MAOA: variants seen among roughly 807,000 people sequenced by gnomAD.
MAOA encodes amine oxidase [flavin-containing] A.
A neutral mutation model predicts 42.0 loss-of-function variants in MAOA; 6 were observed. The ratio of observed to expected loss-of-function variants is 0.14; its 90% CI spans 0.08 to 0.28. The LOEUF is 0.28. MAOA is among the 10% of genes least tolerant of loss of function. The probability of loss-of-function intolerance (pLI) is 1.00; values close to 1 mark genes in which losing one functional copy is unlikely to be tolerated. For missense variants in MAOA, 262 were observed against 422.3 expected, an observed-to-expected ratio of 0.62 and a Z score of 3.33; for synonymous variants, 140 against 154.0, an observed-to-expected ratio of 0.91 and a Z score of 0.67.
At chrX:43,736,123 A>C (rs749394543) in intron 9 of MAOA, 104 bp from the exon 10 acceptor site, 1 of 573,131 alleles carries the variant, frequency 1.7e-6, no homozygotes, top group African/African-American at 2.3e-5. Context: ...GAGAGAGTTC[A>C]TTTCATGCTG....
At chrX:43,711,129 C>T (rs1285354477) in intron 3 of MAOA, among the ~76,000 whole-genome samples, 3 of 111,016 alleles carry the variant, frequency 2.7e-5, no homozygotes, top group African/African-American at 9.8e-5. Flanking sequence ...CCAGGCTATA[C>T]CAGGAGCTGG....
chrX:43,657,803 C>A, intron 1 of MAOA: 1 of 465,193 alleles, frequency 2.1e-6, no homozygotes, highest in Non-Finnish European at 2.7e-6. Context: ...GAACATGCTA[C>A]AAATTAATGT....
At chrX:43,703,803 G>T (rs375327313) in intron 3 of MAOA, among the ~76,000 whole-genome samples, 1 of 111,505 alleles carries the variant, frequency 9.0e-6, no homozygotes, top group African/African-American at 3.3e-5. Flanking sequence ...AATAAAAAAA[G>T]ACTATTGAAC....
At chrX:43,713,933 G>C (rs1303218340) in intron 5 of MAOA, among the ~76,000 whole-genome samples, 1 of 111,565 alleles carries the variant, frequency 9.0e-6, no homozygotes, top group Non-Finnish European at 1.9e-5. Flanking sequence ...AGGAAGAATG[G>C]ATGAAGTTGG....
At chrX:43,708,662 GT>G (rs758339663) in intron 3 of MAOA, among the ~76,000 whole-genome samples, 9,801 of 95,805 alleles carry the variant, frequency 0.1, 1,149 homozygotes, top group African/African-American at 0.35. Flanking sequence ...TCTTCTTGTT[GT>G]TTTTTTTTTT....
intron 2 of MAOA, among the ~76,000 whole-genome samples, chrX:43,688,299 G>A (rs939637312): frequency 1.8e-5 from 2 of 109,930 alleles, no homozygotes; most frequent in Non-Finnish European, 3.8e-5. Context: ...TTTTTTTTTC[G>A]AGACGGAGTC....
intron 1 of MAOA, among the ~76,000 whole-genome samples, chrX:43,679,357 G>A (rs2033425062): frequency 9.3e-6 from 1 of 108,093 alleles, no homozygotes; most frequent in Non-Finnish European, 1.9e-5. Flanking sequence ...AACTTGTTTA[G>A]AGTTACATAC....
At chrX:43,695,469 A>G (rs1229200202) in intron 3 of MAOA, among the ~76,000 whole-genome samples, 1 of 111,909 alleles carries the variant, frequency 8.9e-6, no homozygotes. Context: ...GGTGGCTCAC[A>G]TCTGTAATCC....
At chrX:43,676,811 T>A (rs1450672144) in intron 1 of MAOA, among the ~76,000 whole-genome samples, 2 of 108,507 alleles carry the variant, frequency 1.8e-5, no homozygotes, top group Non-Finnish European at 3.8e-5. Context: ...TGCCAGGTAG[T>A]AATGTGTACT....
At chrX:43,718,327 A>T (rs1454012552) in intron 5 of MAOA, among the ~76,000 whole-genome samples, 1 of 95,911 alleles carries the variant, frequency 1.0e-5, no homozygotes, top group African/African-American at 4.1e-5. Flanking sequence ...GTTTAGAGAG[A>T]TGGTGTCTTC....
intron 5 of MAOA, among the ~76,000 whole-genome samples, chrX:43,716,203 G>A (rs907517733): frequency 9.0e-6 from 1 of 111,555 alleles, no homozygotes; most frequent in Non-Finnish European, 1.9e-5. Context: ...TAGGAAGATC[G>A]TATCTTCCAG....
At chrX:43,698,468 A>T (rs2033597973) in intron 3 of MAOA, among the ~76,000 whole-genome samples, 1 of 112,025 alleles carries the variant, frequency 8.9e-6, no homozygotes, top group South Asian at 3.7e-4. Flanking sequence ...TAGAGGATTC[A>T]CATCGATATG....
At chrX:43,683,630 TG>T in intron 2 of MAOA, 23 bp downstream of exon 2, 1 of 1,086,502 alleles carries the variant, frequency 9.2e-7, no homozygotes, top group Non-Finnish European at 1.3e-6. Context: ...AATACTTACA[TG>T]TAATGTAATA....
intron 1 of MAOA, among the ~76,000 whole-genome samples, chrX:43,674,565 G>T (rs1294091744): frequency 9.0e-6 from 1 of 111,146 alleles, no homozygotes; most frequent in Non-Finnish European, 1.9e-5. Context: ...ATTTTGGCAT[G>T]ATTTTGCAGC....
chrX:43,672,054 A>G (rs1182052887), intron 1 of MAOA, among the ~76,000 whole-genome samples: 2 of 111,478 alleles, frequency 1.8e-5, no homozygotes, highest in Non-Finnish European at 3.8e-5. Context: ...GTTTCACAAT[A>G]TTGATTCTTC....
intron 2 of MAOA, among the ~76,000 whole-genome samples, chrX:43,684,178 G>A (rs941827455): frequency 2.4e-4 from 27 of 111,685 alleles, no homozygotes; most frequent in Non-Finnish European, 4.5e-4. Context: ...TCCTCAGGTC[G>A]CGTCTGGCTA....
chrX:43,743,978 T>C (rs1167987301), intron 13 of MAOA, 73 bp downstream of exon 13: 3 of 1,173,325 alleles, frequency 2.6e-6, no homozygotes, highest in African/African-American at 3.6e-5. Flanking sequence ...TTGCTAGTTC[T>C]TGACACTGAT....
Position 43,725,801 on chromosome X carries a change from G to C in MAOA, c.504-2372G>C, listed in dbSNP as rs781015949. Among the ~76,000 whole-genome samples the C allele has an allele frequency of 2.7e-5, 3 of 111,994 alleles. No individual in the cohort carries two copies. In the South Asian group the frequency reaches 1.1e-3, roughly 42 times the overall value. On this transcript the variant is annotated intron_variant, in intron 5 of 14. Transcript: ENST00000338702. ...TTACAATTTGGCATGTTTTTGCAGT[G>C]GCTGGTACTGGTTGTCCTTTCCATG...
chrX:43,724,316 T>A (rs2033815557), intron 5 of MAOA, among the ~76,000 whole-genome samples: 1 of 111,709 alleles, frequency 9.0e-6, no homozygotes, highest in South Asian at 3.7e-4. Context: ...GTCCTAGATT[T>A]TTTTTGTTGG....
Sources: allele counts gnomAD v4.1 joint callset (sites outside exome capture counted in the v4.1 genomes callset), GRCh38; gene constraint gnomAD v4.1.1; transcripts MANE v1.5; gene names NCBI Gene and HGNC (gene_info 2026-07-23, HGNC 2026-07-21).